Variants in CA10 observed in about 807,000 individuals in gnomAD.
CA10 encodes carbonic anhydrase-related protein 10.
CA10 carries 14 observed loss-of-function variants against 44.2 expected under a neutral mutation model. That is an observed-to-expected ratio of 0.32 (90% CI 0.21 to 0.50). CA10 has a LOEUF of 0.50. Ranked by LOEUF, CA10 falls within the 20% of genes least tolerant of loss-of-function variation. CA10 has a pLI of 0.99. For missense variants in CA10, 350 were observed against 409.7 expected (o/e 0.85, Z 1.26); for synonymous variants, 159 against 141.6 (o/e 1.12, Z -0.87).
rs115751076 is a variant in CA10, at chr17:51,902,314, C to T, written c.279+28676G>A. On this transcript the variant is annotated intron_variant, in intron 3 of 8. Transcript: ENST00000451037. ...AAAAGAGAAACATGGTTATAGATTG[C>T]TCAGAGATAGAAAGATGTCTCTGAT... is the stretch of plus-strand genomic sequence containing the variant. Among the ~76,000 whole-genome samples, 498 of 152,220 alleles carry T rather than the reference C, an allele frequency of 3.3e-3. 3 individuals carry two copies. Among genetic ancestry groups the T allele is most frequent in the African/African-American group, 0.012 (487 of 41,532 alleles).
At chr17:51,671,656 G>A (rs984953572) in intron 4 of CA10, among the ~76,000 whole-genome samples, 8 of 152,044 alleles carry the variant, frequency 5.3e-5, no homozygotes, top group African/African-American at 9.6e-5. Flanking sequence ...CGCCTGCCTC[G>A]GCCTCCAAAA....
chr17:51,939,594 T>C (rs1051586495), intron 2 of CA10, among the ~76,000 whole-genome samples: 1 of 152,138 alleles, frequency 6.6e-6, no homozygotes, highest in Non-Finnish European at 1.5e-5. Context: ...TTATTTATTA[T>C]TTATTTTTAG....
At chr17:52,006,891 C>A (rs1009452934) in intron 2 of CA10, among the ~76,000 whole-genome samples, 11 of 151,666 alleles carry the variant, frequency 7.3e-5, no homozygotes, top group African/African-American at 2.4e-4. Flanking sequence ...TTTAGCCAGT[C>A]GTGCACATTG....
At chr17:51,873,243 A>T (rs1979899875) in intron 3 of CA10, among the ~76,000 whole-genome samples, 1 of 152,242 alleles carries the variant, frequency 6.6e-6, no homozygotes, top group Non-Finnish European at 1.5e-5. Flanking sequence ...GAACAGAGTA[A>T]GTACCCAATA....
intron 1 of CA10, among the ~76,000 whole-genome samples, chr17:52,112,969 T>C (rs542123208): frequency 6.6e-6 from 1 of 152,322 alleles, no homozygotes; most frequent in East Asian, 1.9e-4. Context: ...TCTTGGAAGA[T>C]GGCTTCAGTT....
chr17:51,661,172 T>A (rs1002979042), intron 4 of CA10, among the ~76,000 whole-genome samples: 4 of 152,188 alleles, frequency 2.6e-5, no homozygotes, highest in Non-Finnish European at 5.9e-5. Context: ...ATGGGCTCTA[T>A]CTTATTGGCC....
In CA10 at chr17:52,138,023, T is replaced by C. The variant is rs115037207; in HGVS notation, c.61+19703A>G. Reference sequence around the variant, plus strand: ...TTAGTAGCTTAAAACAACACAAATGTATTATCTTACAGTTCTGGAGCTCAG... The same window carrying C: ...TTAGTAGCTTAAAACAACACAAATGCATTATCTTACAGTTCTGGAGCTCAG... On this transcript the variant is annotated intron_variant, in intron 1 of 8. Transcript: ENST00000451037. Among the ~76,000 whole-genome samples, 1,234 of 152,346 alleles carry C rather than the reference T, an allele frequency of 8.1e-3. 14 individuals carry two copies. Among genetic ancestry groups the C allele is most frequent in the African/African-American group, 0.028 (1,173 of 41,580 alleles).
chr17:51,880,255 C>A (rs1050123053), intron 3 of CA10, among the ~76,000 whole-genome samples: 1 of 152,142 alleles, frequency 6.6e-6, no homozygotes, highest in Non-Finnish European at 1.5e-5. Context: ...CCGTGTGGTA[C>A]TGAGTAGATT....
intron 2 of CA10, among the ~76,000 whole-genome samples, chr17:51,999,174 T>C (rs1233707932): frequency 6.6e-6 from 1 of 152,016 alleles, no homozygotes; most frequent in Non-Finnish European, 1.5e-5. Context: ...TTGTTTGGGG[T>C]ACTTTGTAAA....
chr17:52,159,646 G>C (rs1267302033), upstream of CA10: 2 of 152,078 alleles, frequency 1.3e-5, no homozygotes, highest in Non-Finnish European at 2.9e-5. Context: ...GGCTCTCCAG[G>C]GCCCCAGGGG....
At chr17:52,004,834 C>G (rs1168470602) in intron 2 of CA10, among the ~76,000 whole-genome samples, 2 of 151,828 alleles carry the variant, frequency 1.3e-5, no homozygotes, top group South Asian at 2.1e-4. Context: ...ATCCCATCCT[C>G]TAATGCAAAA....
At chr17:51,844,334 A>G (rs1480577469) in intron 3 of CA10, among the ~76,000 whole-genome samples, 1 of 152,232 alleles carries the variant, frequency 6.6e-6, no homozygotes, top group Non-Finnish European at 1.5e-5. Context: ...GAAATCATGT[A>G]ATTTTTATTA....
At chr17:52,010,524 A>T (rs77913178) in intron 2 of CA10, among the ~76,000 whole-genome samples, 4,868 of 152,068 alleles carry the variant, frequency 0.032, 271 homozygotes, top group African/African-American at 0.11. Flanking sequence ...AACCTAGGAA[A>T]GGAAAACCAA....
At chr17:51,841,781 C>T (rs1046890835) in intron 3 of CA10, among the ~76,000 whole-genome samples, 6 of 152,206 alleles carry the variant, frequency 3.9e-5, no homozygotes, top group African/African-American at 1.4e-4. Flanking sequence ...TCTCCCAGAG[C>T]AAGGTGTCCA....
At chr17:51,866,003 C>T (rs1460094808) in intron 3 of CA10, among the ~76,000 whole-genome samples, 2 of 152,202 alleles carry the variant, frequency 1.3e-5, no homozygotes, top group Admixed American at 6.5e-5. Context: ...GTTGGCTTCC[C>T]TCATCTCCCT....
At chr17:51,778,920 G>A (rs1428814370) in intron 3 of CA10, among the ~76,000 whole-genome samples, 1 of 152,166 alleles carries the variant, frequency 6.6e-6, no homozygotes, top group East Asian at 1.9e-4. Flanking sequence ...GGTCAGAGTT[G>A]GACCCAGGAA....
chr17:52,058,872 C>T (rs1309825159), intron 2 of CA10, among the ~76,000 whole-genome samples: 1 of 152,152 alleles, frequency 6.6e-6, no homozygotes, highest in African/African-American at 2.4e-5. Context: ...ATTTGCATGT[C>T]TGTCTCTAAA....
intron 4 of CA10, among the ~76,000 whole-genome samples, chr17:51,699,463 C>T (rs961553789): frequency 6.6e-6 from 1 of 152,132 alleles, no homozygotes; most frequent in Non-Finnish European, 1.5e-5. Context: ...ACCGGAGACA[C>T]ACACAGCCCC....
At chr17:51,894,583 C>G (rs573676842) in intron 3 of CA10, among the ~76,000 whole-genome samples, 3 of 152,056 alleles carry the variant, frequency 2.0e-5, no homozygotes, top group Non-Finnish European at 4.4e-5. Context: ...TTTCAGGAAC[C>G]AATTCTATTT....
Sources: allele counts gnomAD v4.1 joint callset (sites outside exome capture counted in the v4.1 genomes callset), GRCh38; gene constraint gnomAD v4.1.1; transcripts MANE v1.5; gene names NCBI Gene and HGNC (gene_info 2026-07-23, HGNC 2026-07-21).